Variants in ZNF346 observed in about 807,000 individuals in gnomAD.
ZNF346 encodes the protein zinc finger protein 346.
A neutral mutation model predicts 33.7 loss-of-function variants in ZNF346; 23 were observed. That is an observed-to-expected ratio of 0.68 (90% CI 0.49 to 0.97). The LOEUF is 0.97. Among genes scored for constraint, ZNF346 ranks in the 50% least tolerant of loss-of-function variants. The pLI is 0.00. For synonymous variants in ZNF346, 134 were observed against 142.4 expected (o/e 0.94, Z 0.42); for missense variants, 340 against 371.1 (o/e 0.92, Z 0.69).
intron 4 of ZNF346, among the ~76,000 whole-genome samples, chr5:177,046,574 A>G (rs567628156): frequency 6.6e-6 from 1 of 152,324 alleles, no homozygotes; most frequent in South Asian, 2.1e-4. Flanking sequence ...CTGAAATTAA[A>G]CACTTTTTAA....
At chr5:177,069,417 C>A (rs1783395789), downstream of ZNF346, among the ~76,000 whole-genome samples, 1 of 149,322 alleles carries the variant, frequency 6.7e-6, no homozygotes, top group Non-Finnish European at 1.5e-5. Context: ...CGCGCCACTG[C>A]ACTCCAGCCT....
At chr5:177,029,847 A>T (rs1777411244) in intron 1 of ZNF346, among the ~76,000 whole-genome samples, 1 of 152,174 alleles carries the variant, frequency 6.6e-6, no homozygotes, top group Non-Finnish European at 1.5e-5. Flanking sequence ...TGGTCAGAAA[A>T]ACAGGTGAAA....
intron 4 of ZNF346, among the ~76,000 whole-genome samples, chr5:177,049,881 G>A (rs1259317405): frequency 6.6e-6 from 1 of 151,878 alleles, no homozygotes; most frequent in Non-Finnish European, 1.5e-5. Flanking sequence ...TTGTCGCCCA[G>A]GCTGGAGTGC....
chr5:177,043,941 G>A (rs1581862944), intron 3 of ZNF346, among the ~76,000 whole-genome samples: 1 of 152,136 alleles, frequency 6.6e-6, no homozygotes, highest in Admixed American at 6.5e-5. Context: ...GTTTAGGGTG[G>A]CAAGTGGTAT....
chr5:177,073,862 G>A (rs1239755703), intron 8 of ZNF346, among the ~76,000 whole-genome samples: 4 of 151,926 alleles, frequency 2.6e-5, no homozygotes, highest in African/African-American at 9.7e-5. Flanking sequence ...TCTTGAATCT[G>A]AACTAGTCTT....
At chr5:177,023,502 C>T (rs1422095524) in intron 1 of ZNF346, among the ~76,000 whole-genome samples, 1 of 152,174 alleles carries the variant, frequency 6.6e-6, no homozygotes, top group Non-Finnish European at 1.5e-5. Flanking sequence ...TTTGCTTTGG[C>T]TCCAGCTTCT....
At chr5:177,026,446 CT>C (rs1196541177) in intron 1 of ZNF346, among the ~76,000 whole-genome samples, 3 of 150,538 alleles carry the variant, frequency 2.0e-5, no homozygotes, top group African/African-American at 7.4e-5. Context: ...TGCAGCCTCC[CT>C]GTCCCAGATT....
Position 177,062,043 on chromosome 5 carries a change from T to A in ZNF346, c.704-15T>A. The A allele has an allele frequency of 2.5e-6, 4 of 1,609,030 alleles. No homozygotes were observed. Among genetic ancestry groups the A allele is most frequent in the Non-Finnish European group, 3.4e-6 (4 of 1,176,310 alleles). Reference sequence around the variant, plus strand: ...CTTTCTGGATTACTAAGATCTTGATTTTGATGTGTTTCAGCTGGAAAGGGC... The same window carrying A: ...CTTTCTGGATTACTAAGATCTTGATATTGATGTGTTTCAGCTGGAAAGGGC... On this transcript the variant is annotated splice_polypyrimidine_tract_variant and intron_variant, in intron 5 of 6. Transcript: ENST00000358149.
At chr5:177,028,161 C>T (rs1382860687) in intron 1 of ZNF346, among the ~76,000 whole-genome samples, 11 of 145,628 alleles carry the variant, frequency 7.6e-5, no homozygotes, top group Non-Finnish European at 1.6e-4. Flanking sequence ...CCCAGCCTCC[C>T]GAGTAGCTGG....
At chr5:177,057,857 T>C (rs1295326612) in intron 5 of ZNF346, among the ~76,000 whole-genome samples, 2 of 151,196 alleles carry the variant, frequency 1.3e-5, no homozygotes, top group Admixed American at 6.6e-5. Flanking sequence ...GTTTCGCTCT[T>C]AATGCCCAGG....
At chr5:177,036,929 C>T (rs756642861) in intron 1 of ZNF346, among the ~76,000 whole-genome samples, 36 of 151,934 alleles carry the variant, frequency 2.4e-4, no homozygotes, top group Non-Finnish European at 5.1e-4. Flanking sequence ...CTGGGAAACC[C>T]TGAGGTTTTG....
At chr5:177,057,022 C>T (rs751129484) in intron 5 of ZNF346, among the ~76,000 whole-genome samples, 11 of 152,194 alleles carry the variant, frequency 7.2e-5, no homozygotes, top group Non-Finnish European at 1.6e-4. Context: ...TATAGAAAGA[C>T]CTCTGTGGCT....
intron 5 of ZNF346, among the ~76,000 whole-genome samples, chr5:177,054,823 T>G (rs1038091719): frequency 1.3e-5 from 2 of 152,104 alleles, no homozygotes; most frequent in African/African-American, 2.4e-5. Flanking sequence ...CATAGTATAA[T>G]CTATTAATCC....
At chr5:177,026,991 A>G (rs1348257077) in intron 1 of ZNF346, among the ~76,000 whole-genome samples, 1 of 152,134 alleles carries the variant, frequency 6.6e-6, no homozygotes, top group Non-Finnish European at 1.5e-5. Context: ...AGTGATTGCT[A>G]TCTCATTTTA....
chr5:177,062,138 A>C lies in ZNF346; in HGVS notation c.784A>C (p.Lys262Gln). The change falls in exon 6 of 7, where the codon AAA becomes CAA. Residue 262 changes from lysine to glutamine, a missense_variant. By Grantham distance (53) the Lys-to-Gln change is moderately conservative. Coordinates refer to ENST00000358149, the MANE Select transcript of ZNF346 (RefSeq NM_012279.4). ...EQYQAHVSGF[K>Q]HKNQSPKTVA... ...GTACCAAGCTCATGTCAGCGGCTTCAAACACAAGAACCAGTAAGTAACCAT... is the reference window on the plus strand; with the variant it reads ...GTACCAAGCTCATGTCAGCGGCTTCCAACACAAGAACCAGTAAGTAACCAT... 1 of 1,614,036 alleles carries C rather than the reference A, an allele frequency of 6.2e-7. No homozygotes were observed. The highest frequency in any genetic ancestry group is 8.5e-7 in the Non-Finnish European group (1 of 1,179,890).
At chr5:177,054,429 G>A (rs769994873) in intron 5 of ZNF346, among the ~76,000 whole-genome samples, 15 of 149,144 alleles carry the variant, frequency 1.0e-4, no homozygotes, top group Non-Finnish European at 1.9e-4. Context: ...ATGGACTTTC[G>A]CTCTTGTTGC....
intron 1 of ZNF346, among the ~76,000 whole-genome samples, chr5:177,027,586 C>CAA (rs1282201135): frequency 4.6e-5 from 3 of 64,602 alleles, no homozygotes; most frequent in South Asian, 5.1e-4. Flanking sequence ...GACTTTGTCT[C>CAA]AAAAAAAAAA....
intron 1 of ZNF346, among the ~76,000 whole-genome samples, chr5:177,024,115 CTG>C (rs894400132): frequency 1.4e-5 from 2 of 138,334 alleles, no homozygotes. Flanking sequence ...ACACATAAAT[CTG>C]TATATATATT....
At chr5:177,080,133 AC>A (rs954275874) in exon 9 of ZNF346, 10 of 152,350 alleles carry the variant, frequency 6.6e-5, no homozygotes, top group African/African-American at 2.4e-4. Flanking sequence ...CTCTGCCTCC[AC>A]AAAAATGCCC....
Sources: allele counts gnomAD v4.1 joint callset (sites outside exome capture counted in the v4.1 genomes callset), GRCh38; gene constraint gnomAD v4.1.1; transcripts MANE v1.5; gene names NCBI Gene and HGNC (gene_info 2026-07-23, HGNC 2026-07-21).